The following NCR1 variants were observed in gnomAD, a reference collection of about 807,000 sequenced individuals.
NCR1 encodes the protein NK cell-activating receptor.
A neutral mutation model predicts 32.5 loss-of-function variants in NCR1; 30 were observed. The ratio of observed to expected loss-of-function variants is 0.92; its 90% CI spans 0.69 to 1.25. NCR1 has a LOEUF of 1.25. Among genes scored for constraint, NCR1 ranks in the 50% most tolerant of loss-of-function variants. NCR1 has a pLI of 0.00. For synonymous variants in NCR1, 169 were observed against 143.4 expected (o/e 1.18, Z -1.28); for missense variants, 369 against 380.7 (o/e 0.97, Z 0.26).
At chr19:54,932,263 A>G in the NCR1 span, among the ~76,000 whole-genome samples, 7 of 152,050 alleles carry the variant, frequency 4.6e-5, no homozygotes, top group East Asian at 1.4e-3. Flanking sequence ...CCTCATCTCC[A>G]CTAAAAGTGC....
chr19:54,933,981 C>T, the NCR1 span, among the ~76,000 whole-genome samples: 50 of 152,258 alleles, frequency 3.3e-4, no homozygotes, highest in Admixed American at 2.0e-3. Context: ...CTCGCTCTGT[C>T]GCCCAGGCTG....
At chr19:54,936,126 C>G in the NCR1 span, 1 of 775,318 alleles carries the variant, frequency 1.3e-6, no homozygotes, top group Non-Finnish European at 2.2e-6. Context: ...GCCGACTCCC[C>G]CACACAGGCC....
the NCR1 span, among the ~76,000 whole-genome samples, chr19:54,899,533 G>A: frequency 6.6e-6 from 1 of 151,936 alleles, no homozygotes; most frequent in Non-Finnish European, 1.5e-5. Context: ...AGGTCGGGGT[G>A]TGGAAATAAG....
chr19:54,906,638 T>C lies in NCR1; in HGVS notation c.186T>C (p.Phe62=). 1.2e-6 allele frequency: 2 copies of C among 1,614,260 alleles called. No homozygotes were observed. Among genetic ancestry groups the C allele is most frequent in the Admixed American group, 3.3e-5 (2 of 60,028 alleles). Residue 62 remains phenylalanine, a synonymous_variant, in exon 3 of 7, where the codon TTT becomes TTC. Coordinates refer to ENST00000291890, the MANE Select transcript of NCR1 (RefSeq NM_004829.7). ...NYGAVEYQLH[F]EGSLFAVDRP... ...GGGCTGTTGAATACCAGCTGCACTTTGAAGGAAGCCTTTTTGCCGTGGACA... is the reference window on the plus strand; with the variant it reads ...GGGCTGTTGAATACCAGCTGCACTTCGAAGGAAGCCTTTTTGCCGTGGACA...
chr19:54,934,644 A>G, the NCR1 span: 11 of 1,613,536 alleles, frequency 6.8e-6, no homozygotes, highest in Non-Finnish European at 8.5e-6. The surrounding 1 kb of genome is among the most constrained non-coding windows in gnomAD (Gnocchi z 6.7). Context: ...CCGGGGTGGC[A>G]CAGTGACCTC....
At chr19:54,930,232 C>A in the NCR1 span, among the ~76,000 whole-genome samples, 117 of 151,946 alleles carry the variant, frequency 7.7e-4, no homozygotes, top group Admixed American at 1.4e-3. Context: ...ATTGGGAGGC[C>A]GAGGTGGGAG....
upstream of NCR1, among the ~76,000 whole-genome samples, chr19:54,904,462 C>T (rs2067425598): frequency 1.3e-5 from 2 of 151,358 alleles, no homozygotes; most frequent in Admixed American, 6.6e-5. Flanking sequence ...TCAAGCCTTG[C>T]TCCCCTCCTT....
upstream of NCR1, among the ~76,000 whole-genome samples, chr19:54,902,440 A>G (rs931214813): frequency 4.6e-5 from 7 of 151,888 alleles, no homozygotes; most frequent in Non-Finnish European, 8.8e-5. Context: ...AGCTGGGACT[A>G]TAGGCGCACA....
intron 5 of NCR1, 49 bp from the exon 6 acceptor site, chr19:54,912,119 G>A (rs2068004327): frequency 6.7e-7 from 1 of 1,503,360 alleles, no homozygotes; most frequent in Non-Finnish European, 9.3e-7. Flanking sequence ...GAGTGCTGGG[G>A]TGGAGGAGGT....
At chr19:54,930,370 G>C in the NCR1 span, 1 of 695,434 alleles carries the variant, frequency 1.4e-6, no homozygotes, top group Non-Finnish European at 2.6e-6. Context: ...GCTGAGGTGG[G>C]AGAACCGATC....
At chr19:54,917,785 G>T (rs1569538122), downstream of NCR1, among the ~76,000 whole-genome samples, 2 of 152,096 alleles carry the variant, frequency 1.3e-5, no homozygotes, top group Admixed American at 6.5e-5. Context: ...TTCCTACAAT[G>T]CCCAGGGCAG....
the NCR1 span, among the ~76,000 whole-genome samples, chr19:54,898,818 C>T: frequency 6.6e-5 from 10 of 152,102 alleles, no homozygotes; most frequent in Non-Finnish European, 1.5e-4. Flanking sequence ...TAGCTTCAGC[C>T]ACCTTTTTAA....
At chr19:54,934,162 C>G in the NCR1 span, among the ~76,000 whole-genome samples, 3 of 152,120 alleles carry the variant, frequency 2.0e-5, no homozygotes, top group African/African-American at 7.2e-5. This position sits in a 1 kb window ranked among gnomAD's most constrained non-coding sequence, Gnocchi z 6.7. Flanking sequence ...AGGATGGTCT[C>G]GATCTCTTGA....
chr19:54,918,228 G>A (rs949192192), downstream of NCR1, among the ~76,000 whole-genome samples: 1 of 151,746 alleles, frequency 6.6e-6, no homozygotes, highest in Non-Finnish European at 1.5e-5. Context: ...CACCGCACCC[G>A]GCCTTATTCA....
the NCR1 span, chr19:54,927,575 AC>A: frequency 4.1e-5 from 13 of 315,000 alleles, no homozygotes; most frequent in South Asian, 4.8e-4. Flanking sequence ...AAAACAAAAA[AC>A]AAAACAAAAC....
chr19:54,914,005 C>G (rs1370575164), downstream of NCR1, among the ~76,000 whole-genome samples: 1 of 150,632 alleles, frequency 6.6e-6, no homozygotes, highest in Non-Finnish European at 1.5e-5. Flanking sequence ...GAGGCGGAGG[C>G]TGCAGGGAGC....
At chr19:54,912,244 C>T in intron 6 of NCR1, 26 bp downstream of exon 6, 1 of 1,609,512 alleles carries the variant, frequency 6.2e-7, no homozygotes, top group Admixed American at 1.7e-5. Flanking sequence ...GGGCCATAGG[C>T]TCTGAAGGAA....
the NCR1 span, among the ~76,000 whole-genome samples, chr19:54,935,301 G>A: frequency 6.6e-6 from 1 of 151,910 alleles, no homozygotes; most frequent in African/African-American, 2.4e-5. Context: ...ATGATCACAG[G>A]TCACCACAAC....
At chr19:54,899,512 G>A in the NCR1 span, among the ~76,000 whole-genome samples, 1 of 151,904 alleles carries the variant, frequency 6.6e-6, no homozygotes, top group African/African-American at 2.4e-5. Flanking sequence ...GGATTGGGGT[G>A]CAGAGACAAG....
Sources: gnomAD v4.1 joint callset for allele counts (sites outside exome capture counted in the v4.1 genomes callset) on GRCh38, gnomAD v4.1.1 for gene constraint, Gnocchi (gnomAD v3.1) non-coding constraint, MANE v1.5 for transcripts, NCBI Gene and HGNC (gene_info 2026-07-23, HGNC 2026-07-21) for gene names.